PADI6: variants seen among roughly 807,000 people sequenced by gnomAD.
PADI6 encodes peptidyl arginine deiminase 6, also known as inactive protein-arginine deiminase type-6.
In PADI6, 66 loss-of-function variants were observed where a neutral mutation model predicts 78.2. The observed-to-expected ratio is 0.84, with a 90% confidence interval of 0.69 to 1.04. The LOEUF is 1.04. Among genes scored for constraint, PADI6 ranks in the 50% least tolerant of loss-of-function variants. The pLI, the probability that PADI6 is intolerant of heterozygous loss-of-function variation, is 0.00. For missense variants in PADI6, 854 were observed against 866.1 expected (o/e 0.99, Z 0.18); for synonymous variants, 397 against 346.9 (o/e 1.14, Z -1.60).
intron 1 of PADI6, 81 bp downstream of exon 1, chr1:17,372,442 TGGG>T: frequency 7.7e-7 from 1 of 1,305,884 alleles, no homozygotes; most frequent in Non-Finnish European, 1.1e-6. Context: ...ATCTGGGAGT[TGGG>T]GGTTACTTCT....
chr1:17,393,698 T>G (rs1167746048), intron 9 of PADI6, among the ~76,000 whole-genome samples: 1 of 152,134 alleles, frequency 6.6e-6, no homozygotes, highest in Non-Finnish European at 1.5e-5. Flanking sequence ...TGGTCTTGAA[T>G]TCCTAGGCTC....
intron 15 of PADI6, among the ~76,000 whole-genome samples, chr1:17,400,631 G>A (rs1422746438): frequency 6.6e-6 from 1 of 152,226 alleles, no homozygotes; most frequent in African/African-American, 2.4e-5. Context: ...TGCCGACTGT[G>A]GCTCACATCT....
intron 14 of PADI6, 142 bp downstream of exon 14, chr1:17,397,283 G>T: frequency 3.4e-6 from 3 of 878,874 alleles, no homozygotes; most frequent in East Asian, 2.7e-5. Context: ...TCCAGGTCTT[G>T]ATACAGGCCC....
In PADI6 at chr1:17,398,753, A is replaced by G. The variant is rs1434636119; in HGVS notation, c.1757A>G (p.Glu586Gly). The change falls in exon 15 of 16, where the codon GAG becomes GGG. Residue 586 changes from glutamate to glycine, a missense_variant. Physicochemically the swap from Glu to Gly is moderately conservative, Grantham distance 98. Coordinates refer to ENST00000619609, the MANE Select transcript of PADI6 (RefSeq NM_207421.4). ...ELGLVEQDII[E>G]IPQLFCLEKL... The stretch of plus-strand genomic sequence containing the variant: ...GGCCTGGTGGAACAGGACATCATCG[A>G]GATTCCCCAGCTGTTCTGCTTGGAG... 2 of 1,601,518 alleles carry G rather than the reference A, an allele frequency of 1.2e-6. No homozygotes were observed. Among genetic ancestry groups the G allele is most frequent in the Admixed American group, 3.4e-5 (2 of 58,804 alleles).
intron 15 of PADI6, among the ~76,000 whole-genome samples, chr1:17,400,376 G>A (rs115174721): frequency 2.6e-5 from 4 of 151,490 alleles, no homozygotes; most frequent in African/African-American, 7.3e-5. Flanking sequence ...GTGTAGTGGT[G>A]CATGCCTGTC....
At chr1:17,400,987 A>G (rs1359571449) in intron 15 of PADI6, among the ~76,000 whole-genome samples, 1 of 152,208 alleles carries the variant, frequency 6.6e-6, no homozygotes, top group African/African-American at 2.4e-5. Flanking sequence ...TAGAAACTAG[A>G]GAAGTTGACA....
At chr1:17,399,875 G>C (rs182233074) in intron 15 of PADI6, among the ~76,000 whole-genome samples, 15 of 151,774 alleles carry the variant, frequency 9.9e-5, no homozygotes, top group African/African-American at 3.6e-4. Flanking sequence ...TCTCTAGTAA[G>C]AATACAAAAA....
rs866964896 is a variant in PADI6 at position 17,394,294 on chromosome 1, C to T, written c.1183-6C>T. On this transcript the variant is annotated splice_region_variant and splice_polypyrimidine_tract_variant and intron_variant, in intron 10 of 15. Transcript: ENST00000619609. ...CACCCCTTCCCTGGCTCGGTCTCTC[C>T]CCCAGAGCCCTGGTATTGGCTACAT... 1.2e-6 allele frequency: 2 copies of T among 1,611,844 alleles called. No homozygotes were observed. The highest frequency in any genetic ancestry group is 1.7e-6 in the Non-Finnish European group (2 of 1,178,158).
At chr1:17,397,719 T>C (rs2075260332) in intron 14 of PADI6, among the ~76,000 whole-genome samples, 1 of 151,964 alleles carries the variant, frequency 6.6e-6, no homozygotes, top group Non-Finnish European at 1.5e-5. Flanking sequence ...AAAACACCTC[T>C]TACATATGAG....
At chr1:17,384,042 C>CAGG (rs962075548) in intron 6 of PADI6, among the ~76,000 whole-genome samples, 2 of 151,914 alleles carry the variant, frequency 1.3e-5, no homozygotes, top group African/African-American at 4.8e-5. Flanking sequence ...CCCAACTACT[C>CAGG]AGGAGACCAA....
In PADI6 at chr1:17,397,108, T is replaced by C; in HGVS notation, c.1656T>C (p.Asp552=). The C allele has an allele frequency of 6.2e-7, 1 of 1,613,892 alleles. No homozygotes were observed. Among genetic ancestry groups the C allele is most frequent in the Non-Finnish European group, 8.5e-7 (1 of 1,179,862 alleles). ...AAACCATCGACCAACTTCTGGCTGATGAAAGCCTGAAGAAGCAGAATGAAT... is the reference window on the plus strand; with the variant it reads ...AAACCATCGACCAACTTCTGGCTGACGAAAGCCTGAAGAAGCAGAATGAAT... ...EAKTIDQLLA[D]ESLKKQNEYV... is the part of the protein sequence containing the mutation. Residue 552 remains aspartate, a synonymous_variant, in exon 14 of 16, where the codon GAT becomes GAC. Transcript: ENST00000619609.
Position 17,379,890 on chromosome 1 carries a change from TGGCTG to T in PADI6, c.368-27_368-23del, listed in dbSNP as rs761385404. On this transcript the variant is annotated intron_variant, in intron 3 of 15. Coordinates refer to ENST00000619609, the MANE Select transcript of PADI6 (RefSeq NM_207421.4). ...TGAGGTTCCATCTGGCAGGTCAAGG[TGGCTG>T]GGACACCCTTTTCTTCTGTTTCAGA... The T allele has an allele frequency of 2.5e-6, 4 of 1,607,722 alleles. No homozygotes were observed. The South Asian group carries it at 4.4e-5, about 18-fold the overall frequency.
intron 3 of PADI6, among the ~76,000 whole-genome samples, chr1:17,378,890 C>T (rs2075043999): frequency 6.6e-6 from 1 of 151,462 alleles, no homozygotes; most frequent in Non-Finnish European, 1.5e-5. Context: ...CAGGCATGAG[C>T]CACCATGCCC....
chr1:17,373,178 C>T lies in PADI6; in HGVS notation c.239C>T (p.Pro80Leu), dbSNP rs746595947. 5 of 1,613,874 alleles carry T rather than the reference C, an allele frequency of 3.1e-6. No homozygotes were observed. In the Admixed American group the frequency reaches 6.7e-5, roughly 22 times the overall value. The change falls in exon 2 of 16, where the codon CCC (proline) becomes CTC (leucine). Residue 80 changes from proline to leucine, a missense_variant. Transcript: ENST00000619609. ...DATIWWPLSD[P>L]TYATVKMTSP... ...ACCATCTGGTGGCCCCTGTCTGATC[C>T]CACGTACGCCACAGTGAAGATGACA...
At chr1:17,374,311 A>G (rs149154132) in intron 2 of PADI6, among the ~76,000 whole-genome samples, 1 of 152,078 alleles carries the variant, frequency 6.6e-6, no homozygotes, top group Non-Finnish European at 1.5e-5. Context: ...CTGAGAGGCA[A>G]GTAGTGGACT....
intron 2 of PADI6, 150 bp downstream of exon 2, chr1:17,373,383 T>G: frequency 1.1e-6 from 1 of 933,238 alleles, no homozygotes; most frequent in African/African-American, 1.7e-5. Context: ...AACAGACCAG[T>G]GGTGTGGGCA....
At chr1:17,400,984 T>C (rs937769657) in intron 15 of PADI6, among the ~76,000 whole-genome samples, 1 of 152,198 alleles carries the variant, frequency 6.6e-6, no homozygotes, top group Non-Finnish European at 1.5e-5. Context: ...ACGTAGAAAC[T>C]AGAGAAGTTG....
rs760042333 is a variant in PADI6, at chr1:17,375,510, C to T, written c.367+11C>T. Reference sequence around the variant, plus strand: ...ACCTCACTGGCATTGGTGAGTGTTGCTCCAACTGGGAGCCTGGGGCCCAAC... The same window carrying T: ...ACCTCACTGGCATTGGTGAGTGTTGTTCCAACTGGGAGCCTGGGGCCCAAC... On this transcript the variant is annotated intron_variant, in intron 3 of 15. Coordinates refer to ENST00000619609, the MANE Select transcript of PADI6 (RefSeq NM_207421.4). 8 of 1,596,990 alleles carry T rather than the reference C, an allele frequency of 5.0e-6. No homozygotes were observed. The Admixed American group carries it at 8.6e-5, about 17-fold the overall frequency.
intron 13 of PADI6, among the ~76,000 whole-genome samples, chr1:17,396,308 C>T (rs573735104): frequency 1.3e-4 from 20 of 152,282 alleles, no homozygotes; most frequent in African/African-American, 4.8e-4. Flanking sequence ...ATCGCTTTAA[C>T]CTGGGAGGTG....
Sources: allele counts gnomAD v4.1 joint callset (sites outside exome capture counted in the v4.1 genomes callset), GRCh38; gene constraint gnomAD v4.1.1; transcripts MANE v1.5; gene names NCBI Gene and HGNC (gene_info 2026-07-23, HGNC 2026-07-21).